Variants in SH3RF2 observed in about 807,000 individuals in gnomAD.
SH3RF2 encodes E3 ubiquitin-protein ligase SH3RF2.
SH3RF2 carries 43 observed loss-of-function variants against 59.0 expected under a neutral mutation model. The observed-to-expected ratio is 0.73, with a 90% CI of 0.57 to 0.94. SH3RF2 has a LOEUF of 0.94. Among genes scored for constraint, SH3RF2 ranks in the 40% least tolerant of loss-of-function variants. SH3RF2 has a pLI of 0.00. For synonymous variants in SH3RF2, 391 were observed against 391.5 expected, an observed-to-expected ratio of 1.00 and a Z score of 0.01; for missense variants, 930 against 940.1, an observed-to-expected ratio of 0.99 and a Z score of 0.14.
intron 4 of SH3RF2, among the ~76,000 whole-genome samples, chr5:146,004,878 C>T (rs888051319): frequency 6.6e-6 from 1 of 152,044 alleles, no homozygotes; most frequent in Non-Finnish European, 1.5e-5. Context: ...CTTAACACTA[C>T]TGAACTGTAC....
At chr5:146,067,902 G>A (rs17104210), downstream of SH3RF2, among the ~76,000 whole-genome samples, 246 of 152,274 alleles carry the variant, frequency 1.6e-3, 3 homozygotes, top group East Asian at 0.026. Flanking sequence ...ATTCCAATTG[G>A]CCGGTGCCTA....
At chr5:145,969,690 G>A (rs1181470169) in intron 2 of SH3RF2, among the ~76,000 whole-genome samples, 1 of 151,218 alleles carries the variant, frequency 6.6e-6, no homozygotes, top group Non-Finnish European at 1.5e-5. Context: ...AACTGTAATT[G>A]TACCACTGCA....
rs1051084098 is a variant in SH3RF2, at chr5:146,036,603, G to A, written c.1060-11169G>A. On this transcript the variant is annotated intron_variant, in intron 5 of 9. Transcript: ENST00000359120. The stretch of plus-strand genomic sequence containing the variant: ...CCAGCTATTCTGGAGGCTGAGGCAC[G>A]AGAATTGCTGGAACATGGCAGGCAG... Among the ~76,000 whole-genome samples the A allele has an allele frequency of 9.2e-5, 14 of 152,288 alleles. No homozygotes were observed. The East Asian group carries it at 2.3e-3, about 25-fold the overall frequency.
intron 3 of SH3RF2, among the ~76,000 whole-genome samples, chr5:146,003,702 C>A (rs777750478): frequency 3.3e-5 from 5 of 152,080 alleles, no homozygotes; most frequent in Non-Finnish European, 7.4e-5. Context: ...ATTCATTTTT[C>A]TTTTTGCAAA....
exon 10 of SH3RF2, chr5:146,079,043 C>T (rs1021372404): frequency 3.3e-5 from 5 of 152,176 alleles, no homozygotes; most frequent in Non-Finnish European, 7.3e-5. Flanking sequence ...TCTGTCTTTT[C>T]CCCGATACCT....
rs1416841427 is a variant in SH3RF2, at chr5:146,073,443, G to A, written c.*34-5017G>A. Among the ~76,000 whole-genome samples the A allele has an allele frequency of 2.0e-5, 3 of 152,314 alleles. No individual in the cohort carries two copies. In the East Asian group the frequency reaches 5.8e-4, roughly 29 times the overall value. ...ACGGACATGCTTCCAGCTGGCTGGT[G>A]ATTTCGATAACAACCTCTCCTCCTT... On this transcript the variant is annotated intron_variant, in intron 9 of 9. Coordinates refer to the SH3RF2 transcript ENST00000511217.
chr5:146,078,830 G>A (rs939358674), exon 10 of SH3RF2: 2 of 152,210 alleles, frequency 1.3e-5, no homozygotes, highest in Admixed American at 1.3e-4. Context: ...GACAAGGCAG[G>A]ACATCCAATG....
chr5:145,972,097 T>C (rs1759106191), intron 2 of SH3RF2, among the ~76,000 whole-genome samples: 1 of 152,146 alleles, frequency 6.6e-6, no homozygotes, highest in African/African-American at 2.4e-5. Flanking sequence ...CTTCAAAAAA[T>C]ATGCTTCTTG....
intron 2 of SH3RF2, chr5:145,997,710 G>A: frequency 1.3e-6 from 2 of 1,568,258 alleles, no homozygotes; most frequent in South Asian, 1.1e-5. Context: ...AAAGGTATAT[G>A]CTACAAGCCA....
intron 2 of SH3RF2, among the ~76,000 whole-genome samples, chr5:145,941,329 G>C (rs1216650753): frequency 2.0e-5 from 3 of 152,160 alleles, no homozygotes; most frequent in South Asian, 4.1e-4. Context: ...AGCCCATAGA[G>C]AGAAAAAAAT....
At chr5:145,968,708 T>A (rs1430007227) in intron 2 of SH3RF2, among the ~76,000 whole-genome samples, 1 of 152,254 alleles carries the variant, frequency 6.6e-6, no homozygotes, top group East Asian at 1.9e-4. Flanking sequence ...TTACATTTTT[T>A]ATAGTAAGTC....
chr5:146,025,007 G>T (rs1243730736), intron 5 of SH3RF2, among the ~76,000 whole-genome samples: 1 of 152,032 alleles, frequency 6.6e-6, no homozygotes, highest in African/African-American at 2.4e-5. Context: ...TTTCATTAGG[G>T]GTTGCAAAAT....
intron 2 of SH3RF2, among the ~76,000 whole-genome samples, chr5:145,999,312 C>T (rs1338698215): frequency 1.3e-5 from 2 of 152,148 alleles, no homozygotes; most frequent in Non-Finnish European, 1.5e-5. Flanking sequence ...TCTACACAAA[C>T]CAGTCAAACT....
chr5:146,031,154 A>G (rs566630950), intron 5 of SH3RF2, among the ~76,000 whole-genome samples: 16 of 152,294 alleles, frequency 1.1e-4, no homozygotes, highest in Non-Finnish European at 1.6e-4. Flanking sequence ...ACACCATCCC[A>G]TCTGCACTTC....
chr5:146,030,085 CTG>C, intron 5 of SH3RF2, among the ~76,000 whole-genome samples: 1 of 152,170 alleles, frequency 6.6e-6, no homozygotes, highest in Non-Finnish European at 1.5e-5. Context: ...TAGGGCAACT[CTG>C]AGGACAAAAA....
chr5:146,043,482 T>C (rs1303412927), intron 5 of SH3RF2, among the ~76,000 whole-genome samples: 3 of 152,102 alleles, frequency 2.0e-5, no homozygotes, highest in African/African-American at 7.2e-5. Context: ...TTTACTGAGG[T>C]TTAATTATAT....
intron 2 of SH3RF2, among the ~76,000 whole-genome samples, chr5:145,988,638 T>C (rs1337892527): frequency 6.6e-6 from 1 of 152,036 alleles, no homozygotes; most frequent in Non-Finnish European, 1.5e-5. Context: ...AAGTTTTCTA[T>C]GAAAAAAAAC....
chr5:145,956,565 T>C (rs1255666286), intron 2 of SH3RF2, among the ~76,000 whole-genome samples: 1 of 152,186 alleles, frequency 6.6e-6, no homozygotes, highest in Non-Finnish European at 1.5e-5. Context: ...CATGAGACAC[T>C]GCGCCTGGCC....
At chr5:145,980,969 A>G (rs1302435864) in intron 2 of SH3RF2, among the ~76,000 whole-genome samples, 1 of 152,210 alleles carries the variant, frequency 6.6e-6, no homozygotes, top group Non-Finnish European at 1.5e-5. Flanking sequence ...ATTGGTAAAT[A>G]TGTCAGGAGC....
Sources: gnomAD v4.1 joint callset for allele counts (sites outside exome capture counted in the v4.1 genomes callset) on GRCh38, gnomAD v4.1.1 for gene constraint, MANE v1.5 for transcripts, NCBI Gene and HGNC (gene_info 2026-07-23, HGNC 2026-07-21) for gene names.